The following BCAR3 variants were observed in gnomAD, a reference collection of about 807,000 sequenced individuals.
BCAR3 encodes the protein breast cancer anti-estrogen resistance protein 3.
In BCAR3, 37 loss-of-function variants were observed where a neutral mutation model predicts 80.1. That is an observed-to-expected ratio of 0.46 (90% CI 0.36 to 0.61). BCAR3 has a LOEUF of 0.61. Ranked by LOEUF, BCAR3 falls within the 20% of genes least tolerant of loss-of-function variation. The pLI is 0.00. For synonymous variants in BCAR3, 389 were observed against 418.9 expected, an observed-to-expected ratio of 0.93 and a Z score of 0.87; for missense variants, 978 against 1,068.2, an observed-to-expected ratio of 0.92 and a Z score of 1.18.
At chr1:93,577,481 C>T (rs1211009975) in intron 7 of BCAR3, among the ~76,000 whole-genome samples, 1 of 152,204 alleles carries the variant, frequency 6.6e-6, no homozygotes, top group African/African-American at 2.4e-5. Context: ...GTGCTCCTAC[C>T]TGTGCTCTCT....
At chr1:93,845,268 G>A (rs1401923243) in intron 2 of BCAR3, among the ~76,000 whole-genome samples, 1 of 151,870 alleles carries the variant, frequency 6.6e-6, no homozygotes, top group Non-Finnish European at 1.5e-5. Context: ...CATTTCGGCT[G>A]TGAGCAACTC....
chr1:93,644,736 G>T (rs938752754), intron 2 of BCAR3, among the ~76,000 whole-genome samples: 3 of 152,162 alleles, frequency 2.0e-5, no homozygotes, highest in Admixed American at 2.0e-4. Context: ...TGAAGGAGTT[G>T]CCCAAAACTG....
intron 2 of BCAR3, among the ~76,000 whole-genome samples, chr1:93,734,867 A>T (rs372692535): frequency 5.3e-5 from 8 of 152,002 alleles, no homozygotes; most frequent in Non-Finnish European, 1.2e-4. Context: ...ACTCCTACTC[A>T]CCCTTCAGTT....
At chr1:93,782,186 A>G (rs1387237442) in intron 2 of BCAR3, among the ~76,000 whole-genome samples, 1 of 152,206 alleles carries the variant, frequency 6.6e-6, no homozygotes, top group African/African-American at 2.4e-5. Context: ...TCCTTTAATC[A>G]TGGTCGGTTC....
chr1:93,637,714 T>C (rs529853238), intron 3 of BCAR3, among the ~76,000 whole-genome samples: 1 of 152,290 alleles, frequency 6.6e-6, no homozygotes, highest in South Asian at 2.1e-4. Flanking sequence ...ATATCCAAGA[T>C]ACAACATGAA....
At chr1:93,754,937 C>A in intron 2 of BCAR3, among the ~76,000 whole-genome samples, 1 of 152,106 alleles carries the variant, frequency 6.6e-6, no homozygotes, top group East Asian at 1.9e-4. Context: ...AGGACAGCTC[C>A]ATGTATGTTG....
At chr1:93,766,728 C>T (rs775258447) in intron 2 of BCAR3, among the ~76,000 whole-genome samples, 37 of 152,192 alleles carry the variant, frequency 2.4e-4, no homozygotes, top group Non-Finnish European at 4.9e-4. Flanking sequence ...CAGGATAAAC[C>T]GATTGTGCTG....
At position 93,727,867 on chromosome 1, in the gene BCAR3, G is replaced by A. The variant is rs191185051; in HGVS notation, c.-62-21725C>T. Among the ~76,000 whole-genome samples the A allele has an allele frequency of 8.1e-4, 124 of 152,308 alleles. No individual in the cohort carries two copies. The East Asian group carries it at 0.017, about 21-fold the overall frequency. ...AAACTATCTTTGCAGATGTAATGAA[G>A]TTAAGAATTTCAAGATGAGAACATC... On this transcript the variant is annotated intron_variant, in intron 2 of 13. Transcript: ENST00000370244.
Position 93,567,869 on chromosome 1 carries a change from T to G in BCAR3, c.1975-18A>C, listed in dbSNP as rs200942606. On this transcript the variant is annotated intron_variant, in intron 9 of 11. Coordinates refer to ENST00000260502, the MANE Select transcript of BCAR3 (RefSeq NM_003567.4). ...CTTGTGATCTGGAAGAAAGGTGGTGTTTTGGAAAAGGTTCTTTTTAAAATT... is the reference window on the plus strand; with the variant it reads ...CTTGTGATCTGGAAGAAAGGTGGTGGTTTGGAAAAGGTTCTTTTTAAAATT... The G allele has an allele frequency of 1.2e-5, 19 of 1,599,758 alleles. No homozygotes were observed. In the African/African-American group the frequency reaches 1.5e-4, roughly 12 times the overall value.
chr1:93,584,957 G>A (rs898833486), intron 5 of BCAR3: 7 of 974,592 alleles, frequency 7.2e-6, no homozygotes, highest in Non-Finnish European at 7.3e-6. Context: ...CAGAAATCAC[G>A]AAGTTCTTTC....
chr1:93,643,281 T>TG (rs1165643342), intron 2 of BCAR3, among the ~76,000 whole-genome samples: 1 of 149,968 alleles, frequency 6.7e-6, no homozygotes. Context: ...CCCAGCATTT[T>TG]GGGGGGGCCG....
At chr1:93,749,803 C>T (rs1410856655) in intron 2 of BCAR3, among the ~76,000 whole-genome samples, 1 of 151,592 alleles carries the variant, frequency 6.6e-6, no homozygotes, top group Non-Finnish European at 1.5e-5. Context: ...ATTGCACCTG[C>T]ACAAATTTAG....
chr1:93,583,219 ATGT>A (rs1055640979), intron 6 of BCAR3, among the ~76,000 whole-genome samples: 7 of 152,110 alleles, frequency 4.6e-5, no homozygotes, highest in African/African-American at 1.7e-4. Flanking sequence ...TGGGCTACAA[ATGT>A]TGTATGGTCA....
intron 3 of BCAR3, among the ~76,000 whole-genome samples, chr1:93,611,720 GATCT>G (rs1674956073): frequency 6.6e-6 from 1 of 152,146 alleles, no homozygotes; most frequent in Non-Finnish European, 1.5e-5. Flanking sequence ...CTGCAAATAA[GATCT>G]TACTCTCTAA....
At chr1:93,579,340 G>A (rs1422488593) in intron 7 of BCAR3, among the ~76,000 whole-genome samples, 3 of 152,246 alleles carry the variant, frequency 2.0e-5, no homozygotes, top group Non-Finnish European at 2.9e-5. Flanking sequence ...GAAGTCAGTG[G>A]TTCCAGGAAG....
Position 93,838,471 on chromosome 1 carries a change from C to A in BCAR3, c.-63+7096G>T, listed in dbSNP as rs868485986. ...AGGATCCACCCTCATTACCCAAATA[C>A]CCCCCACTAGGTCTGACCTCCAACA... is the stretch of plus-strand genomic sequence containing the variant. On this transcript the variant is annotated intron_variant, in intron 2 of 13. Coordinates refer to the BCAR3 transcript ENST00000370244. Among the ~76,000 whole-genome samples the A allele has an allele frequency of 2.0e-5, 3 of 152,260 alleles. No homozygotes were observed. The Middle Eastern group carries it at 0.01, about 518-fold the overall frequency.
At chr1:93,675,638 G>A (rs1648438797) in intron 1 of BCAR3, among the ~76,000 whole-genome samples, 1 of 152,098 alleles carries the variant, frequency 6.6e-6, no homozygotes, top group African/African-American at 2.4e-5. Flanking sequence ...GTTAGGTAAT[G>A]CCCATGGGTG....
chr1:93,659,217 T>C (rs969147295), intron 2 of BCAR3, among the ~76,000 whole-genome samples: 2 of 152,176 alleles, frequency 1.3e-5, no homozygotes, highest in African/African-American at 4.8e-5. Context: ...GGCCTTGCTG[T>C]TGCCCAGGCT....
At chr1:93,711,944 T>G (rs1650041159) in intron 2 of BCAR3, among the ~76,000 whole-genome samples, 1 of 152,166 alleles carries the variant, frequency 6.6e-6, no homozygotes, top group African/African-American at 2.4e-5. Context: ...CTATTGCTAT[T>G]CCTTCCTCAA....
Sources: allele counts gnomAD v4.1 joint callset (sites outside exome capture counted in the v4.1 genomes callset), GRCh38; gene constraint gnomAD v4.1.1; transcripts MANE v1.5; gene names NCBI Gene and HGNC (gene_info 2026-07-23, HGNC 2026-07-21).